PRKCB: variants seen among roughly 807,000 people sequenced by gnomAD.
PRKCB encodes the protein protein kinase C beta type.
PRKCB carries 13 observed loss-of-function variants against 81.5 expected under a neutral mutation model. That is an observed-to-expected ratio of 0.16 (90% CI 0.10 to 0.25). The LOEUF is 0.25. Among genes scored for constraint, PRKCB ranks in the 10% least tolerant of loss-of-function variants. The pLI is 1.00. For synonymous variants in PRKCB, 335 were observed against 321.4 expected, an observed-to-expected ratio of 1.04 and a Z score of -0.45; for missense variants, 509 against 875.7, an observed-to-expected ratio of 0.58 and a Z score of 5.29.
chr16:24,092,776 CT>C lies in PRKCB; in HGVS notation c.530-10del, dbSNP rs1966391036. 6.2e-7 allele frequency: 1 copy of C among 1,611,028 alleles called. No individual in the cohort carries two copies. The highest frequency in any genetic ancestry group is 1.3e-5 in the African/African-American group (1 of 74,726). On this transcript the variant is annotated splice_polypyrimidine_tract_variant and intron_variant, in intron 5 of 16. Coordinates refer to ENST00000643927, the MANE Select transcript of PRKCB (RefSeq NM_002738.7). ...TTGGACAGTATTAATGCAAAAACTGCTTTTTCTTTTTCAGTAAGAGATGCTA... is the reference window on the plus strand; with the variant it reads ...TTGGACAGTATTAATGCAAAAACTGCTTTTCTTTTTCAGTAAGAGATGCTA...
In PRKCB at chr16:24,215,480, C is replaced by A; in HGVS notation, c.*664C>A. 1 of 985,768 alleles carries A rather than the reference C, an allele frequency of 1.0e-6. No individual in the cohort carries two copies. Among genetic ancestry groups the A allele is most frequent in the South Asian group, 4.7e-5 (1 of 21,288 alleles). The allele number at this position is 985,768 out of a possible 1,614,324, so 61.1% of individuals were successfully genotyped here. On this transcript the variant is annotated 3_prime_UTR_variant, in exon 17 of 17. Coordinates refer to ENST00000643927, the MANE Select transcript of PRKCB (RefSeq NM_002738.7). The stretch of plus-strand genomic sequence containing the variant: ...TGTTGTAGTTTCTGATACTTTATGT[C>A]TTTGCTCACCCTCATCCCCAAACTA...
At chr16:24,126,340 C>T (rs879769136) in intron 9 of PRKCB, among the ~76,000 whole-genome samples, 7 of 152,070 alleles carry the variant, frequency 4.6e-5, no homozygotes, top group Admixed American at 4.6e-4. Flanking sequence ...AAGAAAGTGG[C>T]CTAAATAAAG....
chr16:23,841,474 A>G (rs929085577), intron 2 of PRKCB, among the ~76,000 whole-genome samples: 4 of 150,988 alleles, frequency 2.6e-5, no homozygotes, highest in African/African-American at 9.8e-5. Flanking sequence ...AGAGAGAAAA[A>G]CCTTCTTCTT....
intron 7 of PRKCB, among the ~76,000 whole-genome samples, chr16:24,103,780 T>G (rs2141909739): frequency 6.6e-6 from 1 of 152,298 alleles, no homozygotes. Context: ...GGGTATACAT[T>G]TATTCATTCC....
At chr16:24,169,501 C>T (rs1404254470) in intron 10 of PRKCB, among the ~76,000 whole-genome samples, 2 of 152,180 alleles carry the variant, frequency 1.3e-5, no homozygotes, top group East Asian at 1.9e-4. Context: ...CTTTCTTCTC[C>T]AAGCACATGA....
chr16:24,090,863 G>A (rs1596543411), intron 5 of PRKCB, among the ~76,000 whole-genome samples: 1 of 152,130 alleles, frequency 6.6e-6, no homozygotes, highest in African/African-American at 2.4e-5. Flanking sequence ...TGCAGGAAAT[G>A]AGGGGGTGCT....
intron 3 of PRKCB, among the ~76,000 whole-genome samples, chr16:24,011,816 C>T (rs756368947): frequency 1.1e-4 from 16 of 152,146 alleles, no homozygotes; most frequent in Non-Finnish European, 1.9e-4. Flanking sequence ...GTCACTTGAC[C>T]TCTCTGTTCC....
chr16:24,197,771 C>T (rs2141984355), intron 16 of PRKCB, among the ~76,000 whole-genome samples: 1 of 152,246 alleles, frequency 6.6e-6, no homozygotes, highest in East Asian at 1.9e-4. Context: ...CAGTTCCTGG[C>T]ATCTTGTAGG....
At chr16:23,857,960 T>G (rs900645674) in intron 2 of PRKCB, among the ~76,000 whole-genome samples, 5 of 152,238 alleles carry the variant, frequency 3.3e-5, no homozygotes, top group African/African-American at 9.6e-5. Context: ...CTACTGTTAT[T>G]GTTGCCATTT....
chr16:24,199,206 A>G (rs925808460), intron 16 of PRKCB, among the ~76,000 whole-genome samples: 1 of 152,226 alleles, frequency 6.6e-6, no homozygotes, highest in Non-Finnish European at 1.5e-5. Flanking sequence ...CTGAGAGTCT[A>G]AATGCTGAAC....
chr16:24,128,669 G>A (rs1247806370), intron 9 of PRKCB, among the ~76,000 whole-genome samples: 1 of 152,132 alleles, frequency 6.6e-6, no homozygotes, highest in Non-Finnish European at 1.5e-5. Flanking sequence ...TTAATACAGA[G>A]CATTCAAACG....
In PRKCB at chr16:24,074,774, G is replaced by T. The variant is rs547982725; in HGVS notation, c.530-18017G>T. ...AATCTGTAAGGAGGCTGATGCAACG[G>T]TCTAAGCTGCTTTGTGCAATATGGC... On this transcript the variant is annotated intron_variant, in intron 5 of 16. Transcript: ENST00000643927. 2.6e-5 allele frequency among the ~76,000 whole-genome samples: 4 copies of T among 152,246 alleles called. No individual in the cohort carries two copies. The East Asian group carries it at 7.7e-4, about 29-fold the overall frequency.
chr16:23,927,256 GGA>G (rs1963910207), intron 2 of PRKCB, among the ~76,000 whole-genome samples: 1 of 152,050 alleles, frequency 6.6e-6, no homozygotes, highest in African/African-American at 2.4e-5. Flanking sequence ...GAAAGAAGGG[GGA>G]GAGTGCTCCA....
At chr16:23,942,509 C>T (rs1320639510) in intron 2 of PRKCB, among the ~76,000 whole-genome samples, 1 of 152,190 alleles carries the variant, frequency 6.6e-6, no homozygotes, top group African/African-American at 2.4e-5. Context: ...TTGAGAAGCA[C>T]TAGAAAGGAT....
At position 24,000,291 on chromosome 16, in the gene PRKCB, GC is replaced by G. The variant is rs557097141; in HGVS notation, c.288+11703del. ...ATAGTGTGGCTCAGAGTCATAGATG[GC>G]CTCATCAAAAGAATGCACCTAATTT... On this transcript the variant is annotated intron_variant, in intron 3 of 16. Coordinates refer to ENST00000643927, the MANE Select transcript of PRKCB (RefSeq NM_002738.7). Among the ~76,000 whole-genome samples the G allele has an allele frequency of 2.2e-4, 33 of 152,260 alleles. 1 individual carries two copies. In the South Asian group the frequency reaches 6.8e-3, roughly 32 times the overall value.
rs147185499 is a variant in PRKCB at position 23,924,353 on chromosome 16, C to T, written c.206-64155C>T. Among the ~76,000 whole-genome samples the T allele has an allele frequency of 1.2e-4, 18 of 152,072 alleles. No individual in the cohort carries two copies. In the East Asian group the frequency reaches 2.7e-3, roughly 23 times the overall value. On this transcript the variant is annotated intron_variant, in intron 2 of 16. Transcript: ENST00000643927. ...CTTTCCTCTAGAAATTACCCAGTCT[C>T]GGGTAGTATCAAGATAGCAGTGTGA...
chr16:23,916,656 T>C (rs1338045820), intron 2 of PRKCB, among the ~76,000 whole-genome samples: 1 of 152,228 alleles, frequency 6.6e-6, no homozygotes, highest in Non-Finnish European at 1.5e-5. Flanking sequence ...ACATTTATTT[T>C]TCTCTTCCTC....
At chr16:24,166,203 T>C (rs772977505) in intron 10 of PRKCB, among the ~76,000 whole-genome samples, 8 of 152,122 alleles carry the variant, frequency 5.3e-5, no homozygotes, top group Non-Finnish European at 7.4e-5. Flanking sequence ...TTGTTTTCTA[T>C]AGAGGGGATG....
rs574414985 is a variant in PRKCB at position 23,999,884 on chromosome 16, G to A, written c.288+11294G>A. On this transcript the variant is annotated intron_variant, in intron 3 of 16. Transcript: ENST00000643927. ...GGATAGCTGGTTGGTTGGCTGGTGGGTGGATGATCTAAGATGGCCCCTTTC... is the reference window on the plus strand; with the variant it reads ...GGATAGCTGGTTGGTTGGCTGGTGGATGGATGATCTAAGATGGCCCCTTTC... Among the ~76,000 whole-genome samples, 5 of 152,244 alleles carry A rather than the reference G, an allele frequency of 3.3e-5. No homozygotes were observed. The South Asian group carries it at 6.2e-4, about 19-fold the overall frequency.
Sources: gnomAD v4.1 joint callset for allele counts (sites outside exome capture counted in the v4.1 genomes callset) on GRCh38, gnomAD v4.1.1 for gene constraint, MANE v1.5 for transcripts, NCBI Gene and HGNC (gene_info 2026-07-23, HGNC 2026-07-21) for gene names.